The following AP2A2 variants were observed in gnomAD, a reference collection of about 807,000 sequenced individuals.
AP2A2 encodes adaptor related protein complex 2 subunit alpha 2, also known as AP-2 complex subunit alpha-2.
A neutral mutation model predicts 104.2 loss-of-function variants in AP2A2; 32 were observed. The observed-to-expected ratio is 0.31, with a 90% CI of 0.23 to 0.41. The LOEUF (loss-of-function observed/expected upper bound fraction) is 0.41, where lower values mean the gene tolerates loss of function less well. AP2A2 is among the 10% of genes least tolerant of loss of function. AP2A2 has a pLI of 1.00. For missense variants in AP2A2, 912 were observed against 1,261.0 expected, an observed-to-expected ratio of 0.72 and a Z score of 4.19; for synonymous variants, 539 against 533.3, an observed-to-expected ratio of 1.01 and a Z score of -0.15.
chr11:988,842 C>A, intron 10 of AP2A2, 153 bp downstream of exon 10: 1 of 1,068,806 alleles, frequency 9.4e-7, no homozygotes, highest in Non-Finnish European at 1.3e-6. Flanking sequence ...TGTTTTCATC[C>A]ACATTTTCAA....
At chr11:935,602 A>ATTTTTTTT (rs1589942821) in intron 1 of AP2A2, among the ~76,000 whole-genome samples, 7 of 40,658 alleles carry the variant, frequency 1.7e-4, no homozygotes, top group Admixed American at 6.8e-4. Context: ...GTGCCCGGCC[A>ATTTTTTTT]GTTTTTTTTT....
intron 5 of AP2A2, among the ~76,000 whole-genome samples, chr11:977,983 T>A (rs1018384633): frequency 3.9e-5 from 6 of 152,124 alleles, no homozygotes; most frequent in Non-Finnish European, 8.8e-5. Context: ...CTGGAGGCTG[T>A]CGTCCACCAT....
intron 1 of AP2A2, among the ~76,000 whole-genome samples, chr11:928,067 C>CA (rs1853175585): frequency 6.6e-6 from 1 of 152,172 alleles, no homozygotes; most frequent in Non-Finnish European, 1.5e-5. Flanking sequence ...GCCATTTCCT[C>CA]AGACAGCAAG....
At chr11:985,890 G>T (rs1484749139) in intron 8 of AP2A2, among the ~76,000 whole-genome samples, 1 of 152,256 alleles carries the variant, frequency 6.6e-6, no homozygotes, top group Non-Finnish European at 1.5e-5. Flanking sequence ...GACGGGTGGG[G>T]TGGGGGGTGT....
At chr11:985,613 C>G (rs569857643) in intron 8 of AP2A2, 31 bp downstream of exon 8, 1 of 1,613,156 alleles carries the variant, frequency 6.2e-7, no homozygotes, top group African/African-American at 1.3e-5. Flanking sequence ...GAGGCTTCGT[C>G]TCGCGCACAC....
At chr11:995,328 G>A in intron 14 of AP2A2, 1 of 455,940 alleles carries the variant, frequency 2.2e-6, no homozygotes, top group Non-Finnish European at 4.4e-6. Context: ...GTGTCCTGTG[G>A]TATTTGTCAG....
At chr11:949,883 A>G (rs917589016) in intron 1 of AP2A2, among the ~76,000 whole-genome samples, 2 of 152,248 alleles carry the variant, frequency 1.3e-5, no homozygotes, top group African/African-American at 4.8e-5. Flanking sequence ...AATACTTCAT[A>G]TTAATACCAT....
At chr11:981,094 C>T in intron 5 of AP2A2, 104 bp from the exon 6 acceptor site, 1 of 882,722 alleles carries the variant, frequency 1.1e-6, no homozygotes, top group Non-Finnish European at 1.7e-6. Flanking sequence ...TGGCTGTGGG[C>T]TGCCACTGTG....
At chr11:957,601 G>C (rs1284415514) in intron 1 of AP2A2, among the ~76,000 whole-genome samples, 14 of 152,208 alleles carry the variant, frequency 9.2e-5, no homozygotes, top group Admixed American at 8.5e-4. Flanking sequence ...AATAACAAGA[G>C]CTGTGAGAGT....
intron 16 of AP2A2, among the ~76,000 whole-genome samples, chr11:1,005,913 A>G (rs887381930): frequency 4.6e-5 from 7 of 152,242 alleles, no homozygotes; most frequent in East Asian, 1.9e-4. Flanking sequence ...TCTGAATTCA[A>G]GGGGTATACA....
At chr11:1,004,645 G>A (rs1444733440) in intron 16 of AP2A2, among the ~76,000 whole-genome samples, 1 of 151,752 alleles carries the variant, frequency 6.6e-6, no homozygotes, top group African/African-American at 2.4e-5. Flanking sequence ...ACGTGCTGGT[G>A]CACACCTGTG....
At chr11:989,737 G>A (rs929962732) in intron 10 of AP2A2, among the ~76,000 whole-genome samples, 4 of 152,172 alleles carry the variant, frequency 2.6e-5, no homozygotes, top group African/African-American at 4.8e-5. Flanking sequence ...AGAGAAGAGG[G>A]CCTGAGGCCT....
In AP2A2 at chr11:984,645, A is replaced by G. The variant is rs1169439936; in HGVS notation, c.706A>G (p.Ile236Val). 1.9e-6 allele frequency: 3 copies of G among 1,610,242 alleles called. No individual in the cohort carries two copies. Among genetic ancestry groups the G allele is most frequent in the Non-Finnish European group, 2.5e-6 (3 of 1,176,798 alleles). ...TCTCATTGCCTGTGCTGTCTTACAG[A>G]TCGTGACGTCTGCATCCACAGATCT... The part of the protein sequence containing the change: ...VSLAVSRLSR[I>V]VTSASTDLQD... The change falls in exon 7 of 22, where the codon ATC becomes GTC. Residue 236 changes from isoleucine (I) to valine (V), a missense_variant and splice_region_variant. By Grantham distance (29) the Ile-to-Val change is conservative (BLOSUM62 3). Around this residue, in one of 7 missense-constraint regions of AP2A2, gnomAD observed 350 missense variants for 487.0 expected, o/e 0.72. Transcript: ENST00000448903.
Position 992,607 on chromosome 11 carries a change from A to G in AP2A2, c.1374A>G (p.Glu458=), listed in dbSNP as rs759883505. 3 of 1,613,850 alleles carry G rather than the reference A, an allele frequency of 1.9e-6. No homozygotes were observed. Among genetic ancestry groups the G allele is most frequent in the African/African-American group, 1.3e-5 (1 of 74,936 alleles). The stretch of plus-strand genomic sequence containing the variant: ...GAATTGCTGGTGATTACGTGAGTGA[A>G]GAGGTGTGGTACCGAGTCATTCAGA... ...LIRIAGDYVS[E]EVWYRVIQIV... is the part of the protein sequence containing the mutation. Residue 458 remains glutamate (E), a synonymous_variant, in exon 11 of 22, where the codon GAA becomes GAG. Transcript: ENST00000448903. This position sits in a 1 kb window ranked among gnomAD's most constrained non-coding sequence, Gnocchi z 6.4.
chr11:987,907 A>G (rs1249629551), intron 9 of AP2A2, among the ~76,000 whole-genome samples: 1 of 152,226 alleles, frequency 6.6e-6, no homozygotes, highest in Non-Finnish European at 1.5e-5. Flanking sequence ...TGCAGCTCAC[A>G]GATATTCCGG....
chr11:927,614 G>A (rs572031263), intron 1 of AP2A2, among the ~76,000 whole-genome samples: 24 of 151,590 alleles, frequency 1.6e-4, no homozygotes, highest in East Asian at 7.7e-4. Flanking sequence ...CCAGAAGTTT[G>A]AGACCAGCCT....
At chr11:928,658 AAGTTGTCCGCCGTCG>A (rs1853194073) in intron 1 of AP2A2, among the ~76,000 whole-genome samples, 1 of 152,254 alleles carries the variant, frequency 6.6e-6, no homozygotes, top group Non-Finnish European at 1.5e-5. Context: ...CCTTAGGGCA[AAGTTGTCCGCCGTCG>A]AGAACCACTA....
At position 1,006,566 on chromosome 11, in the gene AP2A2, C is replaced by G; in HGVS notation, c.2245C>G (p.Gln749Glu). ...FIFYGNKTST[Q>E]FLNFTPTLIC... is the part of the protein sequence containing the mutation. Reference sequence around the variant, plus strand: ...CTTTTATGGTAATAAGACCTCCACGCAGTTCCTAAACTTTACCCCAACACT... The same window carrying G: ...CTTTTATGGTAATAAGACCTCCACGGAGTTCCTAAACTTTACCCCAACACT... The change falls in exon 17 of 22, where the codon CAG becomes GAG. Residue 749 changes from glutamine to glutamate, a missense_variant. Physicochemically the swap from Gln to Glu is conservative, Grantham distance 29. Transcript: ENST00000448903. 1 of 1,613,772 alleles carries G rather than the reference C, an allele frequency of 6.2e-7. No homozygotes were observed. The highest frequency in any genetic ancestry group is 8.5e-7 in the Non-Finnish European group (1 of 1,179,816).
chr11:989,045 T>C (rs1855558207), intron 10 of AP2A2, among the ~76,000 whole-genome samples: 2 of 149,264 alleles, frequency 1.3e-5, no homozygotes, highest in African/African-American at 2.5e-5. Context: ...AAAATAACTA[T>C]TGGCCGGGTG....
Sources: gnomAD v4.1 joint callset for allele counts (sites outside exome capture counted in the v4.1 genomes callset) on GRCh38, gnomAD v4.1.1 for gene constraint, gnomAD v4.1.1 regional missense constraint, Gnocchi (gnomAD v3.1) non-coding constraint, MANE v1.5 for transcripts, NCBI Gene and HGNC (gene_info 2026-07-23, HGNC 2026-07-21) for gene names.